Variants in OR9Q1 observed in about 807,000 individuals in gnomAD.
OR9Q1 encodes olfactory receptor 9Q1.
For missense variants in OR9Q1, 374 were observed against 378.8 expected (o/e 0.99, Z 0.11); for synonymous variants, 153 against 148.6 (o/e 1.03, Z -0.22).
chr11:58,033,343 G>A (rs1295787861), intron 1 of OR9Q1, among the ~76,000 whole-genome samples: 1 of 152,118 alleles, frequency 6.6e-6, no homozygotes, highest in Non-Finnish European at 1.5e-5. Flanking sequence ...ACAAAGAGAT[G>A]GAATCAGTCT....
chr11:58,024,898 T>C (rs890519812), intron 1 of OR9Q1, among the ~76,000 whole-genome samples: 5 of 152,086 alleles, frequency 3.3e-5, no homozygotes, highest in African/African-American at 4.8e-5. Context: ...CACGTTGTCA[T>C]TGGGTGAAAT....
chr11:58,103,275 C>G (rs917589881), intron 2 of OR9Q1, among the ~76,000 whole-genome samples: 1 of 152,080 alleles, frequency 6.6e-6, no homozygotes, highest in Non-Finnish European at 1.5e-5. Flanking sequence ...TGATAATTCA[C>G]TCACCATCAT....
At chr11:58,042,364 G>T (rs11229226) in intron 1 of OR9Q1, among the ~76,000 whole-genome samples, 2 of 151,760 alleles carry the variant, frequency 1.3e-5, no homozygotes, top group Non-Finnish European at 2.9e-5. Context: ...TTCTACATAT[G>T]GCTAGCCAGT....
intron 2 of OR9Q1, among the ~76,000 whole-genome samples, chr11:58,097,556 T>C (rs1853743657): frequency 6.6e-6 from 1 of 152,330 alleles, no homozygotes; most frequent in South Asian, 2.1e-4. Flanking sequence ...TGCTTAAACA[T>C]TTAAACATTT....
At chr11:58,127,745 G>A (rs905705851) in intron 2 of OR9Q1, among the ~76,000 whole-genome samples, 1 of 152,140 alleles carries the variant, frequency 6.6e-6, no homozygotes, top group Non-Finnish European at 1.5e-5. Flanking sequence ...AGAATTTTGA[G>A]TGTTTATATC....
At position 58,030,839 on chromosome 11, in the gene OR9Q1, G is replaced by A. The variant is rs1253459145; in HGVS notation, c.-93+6735G>A. On this transcript the variant is annotated intron_variant, in intron 1 of 2. Transcript: ENST00000335397. Reference sequence around the variant, plus strand: ...GGTAAGAACAGTGTGTTGACATCATGTTTCTCTTCTGAAGTGAAAGGCATT... The same window carrying A: ...GGTAAGAACAGTGTGTTGACATCATATTTCTCTTCTGAAGTGAAAGGCATT... The A allele has an allele frequency of 4.3e-6, 3 of 694,670 alleles. No individual in the cohort carries two copies. The African/African-American group carries it at 5.3e-5, about 12-fold the overall frequency. The allele number at this position is 694,670 out of a possible 1,614,324, so 43.0% of individuals were successfully genotyped here.
chr11:58,050,228 T>C (rs1360311762), intron 1 of OR9Q1, among the ~76,000 whole-genome samples: 1 of 138,382 alleles, frequency 7.2e-6, no homozygotes, highest in African/African-American at 2.7e-5. Context: ...CAAAACAGCA[T>C]GGTGCTGGTA....
intron 2 of OR9Q1, chr11:58,119,578 A>C: frequency 1.6e-6 from 1 of 614,070 alleles, no homozygotes; most frequent in Non-Finnish European, 2.8e-6. Flanking sequence ...TTTGTTTTTA[A>C]GAAATTCTGA....
chr11:58,071,645 T>C (rs1224195875), intron 2 of OR9Q1, among the ~76,000 whole-genome samples: 1 of 152,140 alleles, frequency 6.6e-6, no homozygotes, highest in Non-Finnish European at 1.5e-5. Context: ...CCAAGGGCTG[T>C]GGATGAGCCT....
At chr11:58,096,479 C>T (rs1475202666) in intron 2 of OR9Q1, among the ~76,000 whole-genome samples, 3 of 151,996 alleles carry the variant, frequency 2.0e-5, no homozygotes, top group Non-Finnish European at 4.4e-5. Context: ...GGAGTATGTT[C>T]TCTTGTGTTT....
At chr11:58,057,598 C>T (rs1171736152) in intron 2 of OR9Q1, 2 of 152,232 alleles carry the variant, frequency 1.3e-5, no homozygotes, top group Non-Finnish European at 2.9e-5. Context: ...TGCAGATTTA[C>T]CAGTTTTCTA....
At chr11:58,108,817 A>G (rs1056373011) in intron 2 of OR9Q1, 19 of 326,966 alleles carry the variant, frequency 5.8e-5, no homozygotes, top group African/African-American at 3.9e-4. Context: ...CAACATAGGG[A>G]TGATTACAGT....
At chr11:58,170,737 C>T (rs1457221037) in intron 2 of OR9Q1, among the ~76,000 whole-genome samples, 1 of 152,134 alleles carries the variant, frequency 6.6e-6, no homozygotes, top group Non-Finnish European at 1.5e-5. Context: ...CATTCTCTCT[C>T]TTGTCTGCCA....
At chr11:58,137,335 TG>T in intron 2 of OR9Q1, among the ~76,000 whole-genome samples, 1 of 152,262 alleles carries the variant, frequency 6.6e-6, no homozygotes, top group Middle Eastern at 3.4e-3. Context: ...CTGGAGATGA[TG>T]GCCCTCCGGG....
At chr11:58,118,559 C>CT (rs1270971447) in intron 2 of OR9Q1, 2 of 1,613,706 alleles carry the variant, frequency 1.2e-6, no homozygotes, top group African/African-American at 2.7e-5. Context: ...TCTTTTACAT[C>CT]TTTGTTTCTT....
At chr11:58,048,295 T>A (rs1361725025) in intron 1 of OR9Q1, among the ~76,000 whole-genome samples, 2 of 152,272 alleles carry the variant, frequency 1.3e-5, no homozygotes. Flanking sequence ...ATTTGCGAAT[T>A]ACCCTGATTT....
At chr11:58,031,034 C>A (rs752381897) in intron 1 of OR9Q1, 5 of 1,614,098 alleles carry the variant, frequency 3.1e-6, no homozygotes, top group South Asian at 2.2e-5. Context: ...AGCACACCTC[C>A]TCTTCTTCAT....
Position 58,144,159 on chromosome 11 carries a change from C to T in OR9Q1, c.-14-35272C>T, listed in dbSNP as rs1267900836. 4.7e-5 allele frequency among the ~76,000 whole-genome samples: 7 copies of T among 150,106 alleles called. No individual in the cohort carries two copies. In the East Asian group the frequency reaches 1.4e-3, roughly 30 times the overall value. On this transcript the variant is annotated intron_variant, in intron 2 of 2. Transcript: ENST00000335397. ...CGTCATTTAACATTAGGTATATCTC[C>T]TAATGCTATCCCTCCCCCCTCCCCC... is the stretch of plus-strand genomic sequence containing the variant.
At chr11:58,042,177 T>A (rs1428841657) in intron 1 of OR9Q1, among the ~76,000 whole-genome samples, 1 of 150,072 alleles carries the variant, frequency 6.7e-6, no homozygotes, top group African/African-American at 2.4e-5. Context: ...ATTTTAAGGA[T>A]GTATTTTGTG....
Sources: gnomAD v4.1 joint callset for allele counts (sites outside exome capture counted in the v4.1 genomes callset) on GRCh38, gnomAD v4.1.1 for gene constraint, MANE v1.5 for transcripts, NCBI Gene and HGNC (gene_info 2026-07-23, HGNC 2026-07-21) for gene names.